The following SAMMSON variants were observed in gnomAD, a reference collection of about 807,000 sequenced individuals.
SAMMSON encodes the protein survival associated mitochondrial melanoma specific oncogenic non-coding RNA.
At chr3:70,032,290 A>C in intron 3 of SAMMSON, among the ~76,000 whole-genome samples, 1 of 152,192 alleles carries the variant, frequency 6.6e-6, no homozygotes, top group East Asian at 1.9e-4. Context: ...AAATCTTTTA[A>C]ATTAATTTGA....
chr3:70,068,416 T>A (rs2067218177), intron 3 of SAMMSON: 1 of 152,090 alleles, frequency 6.6e-6, no homozygotes, highest in African/African-American at 2.4e-5. Context: ...GAAAATGACA[T>A]GATCTATCCC....
At chr3:70,043,419 A>G (rs1210422375) in intron 3 of SAMMSON, among the ~76,000 whole-genome samples, 1 of 152,102 alleles carries the variant, frequency 6.6e-6, no homozygotes, top group Non-Finnish European at 1.5e-5. Flanking sequence ...GTTGGCCAGA[A>G]AGCTAAATTT....
intron 4 of SAMMSON, among the ~76,000 whole-genome samples, chr3:70,200,320 A>C (rs1326755014): frequency 6.6e-6 from 1 of 152,146 alleles, no homozygotes; most frequent in Non-Finnish European, 1.5e-5. Context: ...AAAGTGCCAA[A>C]TCCTTGCCTT....
At chr3:70,026,394 C>T (rs1264075684) in intron 3 of SAMMSON, among the ~76,000 whole-genome samples, 1 of 152,078 alleles carries the variant, frequency 6.6e-6, no homozygotes, top group Non-Finnish European at 1.5e-5. Context: ...TCCTCTGTTT[C>T]AGTCTTTCTC....
chr3:70,175,647 A>G (rs4547665), intron 4 of SAMMSON, among the ~76,000 whole-genome samples: 85,188 of 151,948 alleles, frequency 0.56, 24,952 homozygotes, highest in Non-Finnish European at 0.62. Flanking sequence ...GAATTTGGAT[A>G]TATCCCTTCT....
At chr3:70,046,822 C>G (rs372898935) in intron 3 of SAMMSON, among the ~76,000 whole-genome samples, 3 of 152,060 alleles carry the variant, frequency 2.0e-5, no homozygotes, top group Non-Finnish European at 2.9e-5. Flanking sequence ...GGCCCACATT[C>G]TTTGTCTGGT....
At chr3:70,317,120 C>T (rs1702500844) in intron 7 of SAMMSON, among the ~76,000 whole-genome samples, 1 of 152,004 alleles carries the variant, frequency 6.6e-6, no homozygotes, top group African/African-American at 2.4e-5. Context: ...ATTTCATTTA[C>T]ATGCTCTCTC....
intron 4 of SAMMSON, among the ~76,000 whole-genome samples, chr3:70,235,013 G>A (rs1475421109): frequency 6.6e-6 from 1 of 152,162 alleles, no homozygotes; most frequent in Non-Finnish European, 1.5e-5. Flanking sequence ...GTGTAGCCAG[G>A]CTTGAGAACC....
intron 4 of SAMMSON, among the ~76,000 whole-genome samples, chr3:70,221,391 G>A (rs1050853577): frequency 6.6e-6 from 1 of 152,006 alleles, no homozygotes; most frequent in Non-Finnish European, 1.5e-5. Context: ...AGAGAAGAAG[G>A]GCGCTGTGCC....
At chr3:70,343,204 T>C (rs1702724882) in intron 7 of SAMMSON, among the ~76,000 whole-genome samples, 1 of 152,198 alleles carries the variant, frequency 6.6e-6, no homozygotes, top group South Asian at 2.1e-4. Context: ...GGTATATTTA[T>C]CACAATTAAT....
chr3:70,375,616 T>C (rs1217006986), intron 9 of SAMMSON, among the ~76,000 whole-genome samples: 2 of 152,176 alleles, frequency 1.3e-5, no homozygotes, highest in Non-Finnish European at 2.9e-5. Context: ...AAATATGTCA[T>C]TCCTACAAAT....
intron 6 of SAMMSON, among the ~76,000 whole-genome samples, chr3:70,267,910 A>G (rs1701935454): frequency 6.6e-6 from 1 of 151,700 alleles, no homozygotes; most frequent in Non-Finnish European, 1.5e-5. Context: ...CCAAGGTCCC[A>G]GTTTCCTTTC....
intron 7 of SAMMSON, among the ~76,000 whole-genome samples, chr3:70,316,600 G>A (rs111438166): frequency 1.2e-4 from 18 of 152,098 alleles, no homozygotes; most frequent in African/African-American, 3.9e-4. Flanking sequence ...CACATTAAAA[G>A]AATTCTTTTT....
At position 70,028,085 on chromosome 3, in the gene SAMMSON, T is replaced by TTTCCTTCCTTCC. The variant is rs113880254; in HGVS notation, n.417+14430_417+14441dup. 1.1e-3 allele frequency among the ~76,000 whole-genome samples: 163 copies of TTTCCTTCCTTCC among 143,328 alleles called. 2 individuals carry two copies. Among genetic ancestry groups the TTTCCTTCCTTCC allele is most frequent in the Middle Eastern group, 3.6e-3 (1 of 280 alleles). The allele number at this position is 143,328 out of a possible 152,430, so 94.0% of individuals were successfully genotyped here. ...CTTGCCTGCCTGCCTGCCTTCCTTC[T>TTTCCTTCCTTCC]TTCCTTCCTTCCTTCCTTCCTTCCT... On this transcript the variant is annotated intron_variant and non_coding_transcript_variant, in intron 3 of 9. Coordinates refer to ENST00000642114, the Ensembl canonical transcript of SAMMSON.
intron 3 of SAMMSON, among the ~76,000 whole-genome samples, chr3:70,052,118 T>TA (rs948351206): frequency 6.6e-6 from 1 of 151,864 alleles, no homozygotes; most frequent in Non-Finnish European, 1.5e-5. Flanking sequence ...AAATAAATAA[T>TA]AAAAAAGAGA....
intron 4 of SAMMSON, among the ~76,000 whole-genome samples, chr3:70,132,998 A>G (rs9824741): frequency 0.33 from 49,904 of 151,890 alleles, 8,976 homozygotes; most frequent in East Asian, 0.7. Flanking sequence ...AAACAAGTAT[A>G]TAGGGCACTG....
chr3:70,004,214 T>A (rs1417364052), intron 1 of SAMMSON, among the ~76,000 whole-genome samples: 1 of 152,110 alleles, frequency 6.6e-6, no homozygotes, highest in African/African-American at 2.4e-5. Context: ...GTTAGTAAAG[T>A]TAGTAAGTTA....
intron 9 of SAMMSON, among the ~76,000 whole-genome samples, chr3:70,368,845 G>A (rs1164249125): frequency 6.6e-6 from 1 of 151,422 alleles, no homozygotes; most frequent in African/African-American, 2.4e-5. Flanking sequence ...GGCTACCCTA[G>A]GTAATTTGCA....
chr3:70,029,339 C>A (rs1181329629), intron 3 of SAMMSON, among the ~76,000 whole-genome samples: 1 of 152,066 alleles, frequency 6.6e-6, no homozygotes, highest in African/African-American at 2.4e-5. Flanking sequence ...TGGATGAGAC[C>A]AATGTGGAAC....
Sources: allele counts gnomAD v4.1 joint callset (sites outside exome capture counted in the v4.1 genomes callset), GRCh38; gene constraint gnomAD v4.1.1; transcripts MANE v1.5; gene names NCBI Gene and HGNC (gene_info 2026-07-23, HGNC 2026-07-21).